Variants in POTEI observed in about 807,000 individuals in gnomAD.
The protein encoded by POTEI is POTE ankyrin domain family member I, also known as POTE ankyrin domain family, member I.
Under a neutral mutation model 43.4 loss-of-function variants are expected in POTEI, and 14 were observed. That is an observed-to-expected ratio of 0.32 (90% confidence interval 0.21 to 0.50). POTEI has a LOEUF of 0.50. Among genes scored for constraint, POTEI ranks in the 20% least tolerant of loss-of-function variants. The pLI is 0.98. For missense variants in POTEI, 235 were observed against 795.4 expected (o/e 0.30, Z 8.47); for synonymous variants, 95 against 297.9 (o/e 0.32, Z 7.01).
At position 130,467,722 on chromosome 2, in the gene POTEI, C is replaced by A. The variant is rs2579438; in HGVS notation, c.1779-1950G>T. ...TTTTGAAAATTATGACGCTAACAAA[C>A]GACTAATATCTATAACCTACAAGAA... On this transcript the variant is annotated intron_variant, in intron 13 of 14. Coordinates refer to ENST00000451531, the MANE Select transcript of POTEI (RefSeq NM_001277406.2). Among the ~76,000 whole-genome samples, 17 of 152,032 alleles carry A rather than the reference C, an allele frequency of 1.1e-4. 1 individual carries two copies. Among genetic ancestry groups the A allele is most frequent in the African/African-American group, 4.1e-4 (17 of 41,518 alleles).
intron 9 of POTEI, among the ~76,000 whole-genome samples, chr2:130,483,603 T>TG (rs1220483241): frequency 1.5e-5 from 1 of 67,716 alleles, no homozygotes; most frequent in African/African-American, 5.8e-5. Flanking sequence ...AAACTTGTTT[T>TG]TTTTTTTTTG....
rs182324984 is a variant in POTEI at position 130,464,646 on chromosome 2, C to T, written c.1900-502G>A. ...TTCTTAAAGTTCTTTTACTGAAGAA[C>T]ATTTTACCGATATTCTACATTTCTA... is the stretch of plus-strand genomic sequence containing the variant. On this transcript the variant is annotated intron_variant, in intron 14 of 14. Transcript: ENST00000451531. Among the ~76,000 whole-genome samples, 8 of 151,488 alleles carry T rather than the reference C, an allele frequency of 5.3e-5. No homozygotes were observed. In the East Asian group the frequency reaches 7.8e-4, roughly 15 times the overall value.
rs1413772852 is a variant in POTEI at position 130,460,471 on chromosome 2, G to A, written c.*2345C>T. The A allele has an allele frequency of 6.6e-6, 1 of 151,722 alleles. No homozygotes were observed. Among genetic ancestry groups the A allele is most frequent in the Non-Finnish European group, 1.5e-5 (1 of 67,978 alleles). The allele number at this position is 151,722 out of a possible 1,614,324, so 9.4% of individuals were successfully genotyped here. ...TATTCCTAAAGTGCTGGGATAAAGT[G>A]TCTCACAAGGGCAAGTGGACCCTAG... On this transcript the variant is annotated 3_prime_UTR_variant, in exon 15 of 15. Coordinates refer to ENST00000451531, the MANE Select transcript of POTEI (RefSeq NM_001277406.2).
In POTEI at chr2:130,509,160, T is replaced by C. The variant is rs1293240016; in HGVS notation, c.76A>G (p.Lys26Glu). 2.0e-6 allele frequency: 3 copies of C among 1,507,872 alleles called. No homozygotes were observed. Among genetic ancestry groups the C allele is most frequent in the Non-Finnish European group, 2.7e-6 (3 of 1,129,808 alleles). 93.4% of individuals were successfully genotyped at this position (1,507,872 alleles called of 1,614,324 possible). Reference sequence around the variant, plus strand: ...CAGGGGAAGCAGTGGCGGCACCACTTGCCCATCTTGCTCCTGAGAACAAAT... The same window carrying C: ...CAGGGGAAGCAGTGGCGGCACCACTCGCCCATCTTGCTCCTGAGAACAAAT... ...KPFVLRSKMGKWCRHCFPCCR... is the reference protein window; with the variant it reads ...KPFVLRSKMGEWCRHCFPCCR... The change falls in exon 1 of 15, where the codon AAG becomes GAG. Residue 26 changes from lysine (K) to glutamate (E), a missense_variant. Lys to Glu is a moderately conservative substitution (Grantham distance 56). Transcript: ENST00000451531.
At chr2:130,479,222 T>C (rs970957442) in intron 10 of POTEI, among the ~76,000 whole-genome samples, 8 of 150,168 alleles carry the variant, frequency 5.3e-5, no homozygotes, top group Non-Finnish European at 1.2e-4. Context: ...ATTTACAAAA[T>C]GACTTCTATT....
rs1435696066 is a variant in POTEI at position 130,498,016 on chromosome 2, C to G, written c.1055+1068G>C. Among the ~76,000 whole-genome samples the G allele has an allele frequency of 3.5e-5, 5 of 141,396 alleles. No homozygotes were observed. The South Asian group carries it at 1.2e-3, about 35-fold the overall frequency. The allele number at this position is 141,396 out of a possible 152,430, so 92.8% of individuals were successfully genotyped here. On this transcript the variant is annotated intron_variant, in intron 5 of 14. Transcript: ENST00000451531. ...GAGCTAGAGATGGAAGTAGCTTCCA[C>G]GATTTTCATTATCATGTAAATCAGA...
chr2:130,505,055 T>C (rs10928974), intron 1 of POTEI, among the ~76,000 whole-genome samples: 111,284 of 143,104 alleles, frequency 0.78, 44,430 homozygotes, highest in East Asian at 0.99. Flanking sequence ...TTCCTGCTTC[T>C]TTCCCTCTTC....
Position 130,488,654 on chromosome 2 carries a change from G to A in POTEI, c.1243-456C>T, listed in dbSNP as rs1171365029. Among the ~76,000 whole-genome samples, 4 of 126,480 alleles carry A rather than the reference G, an allele frequency of 3.2e-5. 1 individual carries two copies. Among genetic ancestry groups the A allele is most frequent in the African/African-American group, 1.2e-4 (4 of 33,634 alleles). The allele number at this position is 126,480 out of a possible 152,430, so 83.0% of individuals were successfully genotyped here. On this transcript the variant is annotated intron_variant, in intron 8 of 14. Coordinates refer to ENST00000451531, the MANE Select transcript of POTEI (RefSeq NM_001277406.2). ...CACTGTGCGGCTTCAGGAACAGAAA[G>A]GAAGTTTGCCCTTTTCTGCGCTAAG...
At chr2:130,482,583 T>C (rs1047896770) in intron 9 of POTEI, among the ~76,000 whole-genome samples, 3 of 150,522 alleles carry the variant, frequency 2.0e-5, no homozygotes, top group African/African-American at 7.4e-5. Flanking sequence ...TAAAACCCAG[T>C]GCGAATTTTG....
chr2:130,499,987 CT>C (rs1484682329), intron 4 of POTEI, among the ~76,000 whole-genome samples: 45 of 147,692 alleles, frequency 3.0e-4, no homozygotes, highest in Non-Finnish European at 6.0e-5. Context: ...CCAAAATACA[CT>C]GGAAATAAAA....
chr2:130,464,549 T>C (rs1235147606), intron 14 of POTEI, among the ~76,000 whole-genome samples: 3 of 149,068 alleles, frequency 2.0e-5, no homozygotes, highest in Admixed American at 6.7e-5. Context: ...CACTCTGATA[T>C]CTAACCTATC....
chr2:130,464,823 G>A (rs1682787411), intron 14 of POTEI, among the ~76,000 whole-genome samples: 1 of 149,946 alleles, frequency 6.7e-6, no homozygotes, highest in African/African-American at 2.4e-5. Context: ...TAAAAGGAGA[G>A]GTCAAAAAAT....
intron 9 of POTEI, among the ~76,000 whole-genome samples, chr2:130,485,085 TGTGATACCCAATAAC>T: frequency 6.6e-6 from 1 of 152,284 alleles, no homozygotes; most frequent in African/African-American, 2.4e-5. Flanking sequence ...CTGACACGTG[TGTGATACCCAATAAC>T]TAACCAAATA....
At chr2:130,492,847 C>A (rs897432291) in intron 6 of POTEI, among the ~76,000 whole-genome samples, 1 of 147,144 alleles carries the variant, frequency 6.8e-6, no homozygotes, top group African/African-American at 2.5e-5. Flanking sequence ...AGAGCTGTGA[C>A]AATAAAGCAA....
rs28660249 is a variant in POTEI, at chr2:130,508,978, G to A, written c.258C>T (p.His86=). 1.3e-5 allele frequency: 21 copies of A among 1,592,950 alleles called. No individual in the cohort carries two copies. Among genetic ancestry groups the A allele is most frequent in the South Asian group, 7.9e-5 (7 of 88,994 alleles). ...TGAGCGTCTTCATAGCGGAGTCGTC[G>A]TGGTCTCCAGAAGTGCCCACGTTGC... The part of the protein sequence containing the change: ...GKSNVGTSGD[H]DDSAMKTLRS... Residue 86 remains histidine (H), a synonymous_variant, in exon 1 of 15, where the codon CAC becomes CAT. Transcript: ENST00000451531.
chr2:130,467,169 C>A (rs1682854326), intron 13 of POTEI, among the ~76,000 whole-genome samples: 1 of 62,612 alleles, frequency 1.6e-5, no homozygotes, highest in African/African-American at 6.0e-5. Context: ...TTTTAAAATG[C>A]TGACATTCAT....
chr2:130,468,504 G>A (rs879904384), intron 13 of POTEI, among the ~76,000 whole-genome samples: 192 of 149,496 alleles, frequency 1.3e-3, no homozygotes, highest in Non-Finnish European at 1.8e-3. Flanking sequence ...ATAAGGCGGC[G>A]GGAGAGAGAG....
intron 10 of POTEI, among the ~76,000 whole-genome samples, chr2:130,477,595 CAT>C (rs1476862344): frequency 4.0e-4 from 59 of 147,868 alleles, no homozygotes; most frequent in Non-Finnish European, 7.1e-4. Context: ...TATTCCTCCA[CAT>C]GTCTGTCCCC....
At chr2:130,467,811 T>C (rs1345283459) in intron 13 of POTEI, among the ~76,000 whole-genome samples, 2 of 148,710 alleles carry the variant, frequency 1.3e-5, no homozygotes, top group African/African-American at 4.9e-5. Context: ...ATTACATGAA[T>C]AGACATTTCT....
Sources: allele counts gnomAD v4.1 joint callset (sites outside exome capture counted in the v4.1 genomes callset), GRCh38; gene constraint gnomAD v4.1.1; transcripts MANE v1.5; gene names NCBI Gene and HGNC (gene_info 2026-07-23, HGNC 2026-07-21).